Variants in VWA5A observed in about 807,000 individuals in gnomAD.
The protein encoded by VWA5A is von Willebrand factor A domain containing 5A.
In VWA5A, 77 loss-of-function variants were observed where a neutral mutation model predicts 84.6. That is an observed-to-expected ratio of 0.91 (90% CI 0.76 to 1.10). The LOEUF is 1.10. Ranked by LOEUF, VWA5A falls within the 50% of genes least tolerant of loss-of-function variation. VWA5A has a pLI of 0.00. For missense variants in VWA5A, 973 were observed against 963.0 expected (o/e 1.01, Z -0.14); for synonymous variants, 334 against 350.1 (o/e 0.95, Z 0.51).
intron 11 of VWA5A, among the ~76,000 whole-genome samples, chr11:124,128,778 T>G (rs1359366053): frequency 1.3e-5 from 2 of 152,224 alleles, no homozygotes; most frequent in Non-Finnish European, 2.9e-5. Context: ...TTTGGCTCTC[T>G]GTTTGTCTAT....
chr11:124,146,072 C>G lies in VWA5A; in HGVS notation c.*127C>G. Reference sequence around the variant, plus strand: ...TTTTTTGCCATAAAAGTAAAGGATGCTTACTCCACTTCGCTTCTCTGCTCC... The same window carrying G: ...TTTTTTGCCATAAAAGTAAAGGATGGTTACTCCACTTCGCTTCTCTGCTCC... On this transcript the variant is annotated 3_prime_UTR_variant, in exon 19 of 19. Coordinates refer to ENST00000456829, the MANE Select transcript of VWA5A (RefSeq NM_001130142.2). The G allele has an allele frequency of 1.1e-6, 1 of 927,222 alleles. No individual in the cohort carries two copies. The highest frequency in any genetic ancestry group is 1.6e-6 in the Non-Finnish European group (1 of 630,578). The allele number at this position is 927,222 out of a possible 1,614,324, so 57.4% of individuals were successfully genotyped here.
At chr11:124,145,529 G>C (rs1006995520) in intron 18 of VWA5A, among the ~76,000 whole-genome samples, 166 bp downstream of exon 18, 3 of 152,130 alleles carry the variant, frequency 2.0e-5, no homozygotes, top group Non-Finnish European at 4.4e-5. Flanking sequence ...TATTAAATTG[G>C]GGACAAGGTA....
chr11:124,135,460 G>A (rs1236413887), intron 12 of VWA5A, among the ~76,000 whole-genome samples: 1 of 151,242 alleles, frequency 6.6e-6, no homozygotes, highest in Non-Finnish European at 1.5e-5. Flanking sequence ...ATCGGAAGAG[G>A]TAGTAAATTG....
Position 124,117,661 on chromosome 11 carries a change from G to C in VWA5A, c.44-12G>C. The C allele has an allele frequency of 6.2e-7, 1 of 1,614,154 alleles. No individual in the cohort carries two copies. The highest frequency in any genetic ancestry group is 8.5e-7 in the Non-Finnish European group (1 of 1,180,032). ...TGAAGCTTGATGAACTTGAACTCTGGTCTATCTCCAGTGCCGCTGAAGAGT... is the reference window on the plus strand; with the variant it reads ...TGAAGCTTGATGAACTTGAACTCTGCTCTATCTCCAGTGCCGCTGAAGAGT... On this transcript the variant is annotated splice_polypyrimidine_tract_variant and intron_variant, in intron 3 of 18. Transcript: ENST00000456829.
At chr11:124,145,775 A>G in intron 18 of VWA5A, 91 bp from the exon 19 acceptor site, 1 of 1,329,484 alleles carries the variant, frequency 7.5e-7, no homozygotes, top group African/African-American at 1.5e-5. Flanking sequence ...AGGACAGATA[A>G]AAGCACAACT....
chr11:124,141,960 A>G (rs1214915956), intron 16 of VWA5A, among the ~76,000 whole-genome samples: 1 of 152,180 alleles, frequency 6.6e-6, no homozygotes, highest in Non-Finnish European at 1.5e-5. Flanking sequence ...TGCAATCTAT[A>G]GGGACTGACA....
intron 18 of VWA5A, among the ~76,000 whole-genome samples, chr11:124,145,573 G>T (rs1158301674): frequency 1.3e-5 from 2 of 152,142 alleles, no homozygotes; most frequent in African/African-American, 4.8e-5. Flanking sequence ...GGACACAAAT[G>T]GGGAGTGTGA....
In VWA5A at chr11:124,145,989, A is replaced by G. The variant is rs1254912547; in HGVS notation, c.*44A>G. ...GAAGTGCCTTTAATTTGCTACTGTC[A>G]TTTCCTCTAGTATCACTTTTGCTGT... On this transcript the variant is annotated 3_prime_UTR_variant, in exon 19 of 19. Coordinates refer to ENST00000456829, the MANE Select transcript of VWA5A (RefSeq NM_001130142.2). 10 of 1,540,750 alleles carry G rather than the reference A, an allele frequency of 6.5e-6. No homozygotes were observed.
At chr11:124,133,384 T>C (rs1865126371) in intron 11 of VWA5A, among the ~76,000 whole-genome samples, 1 of 152,238 alleles carries the variant, frequency 6.6e-6, no homozygotes, top group South Asian at 2.1e-4. Flanking sequence ...TCATCTGCTT[T>C]TGTACTTGGC....
chr11:124,125,504 C>T (rs1322551030), intron 11 of VWA5A, among the ~76,000 whole-genome samples: 2 of 152,074 alleles, frequency 1.3e-5, no homozygotes, highest in African/African-American at 4.8e-5. Flanking sequence ...AGGATGGTCT[C>T]GATCTCCTGA....
At position 124,123,357 on chromosome 11, in the gene VWA5A, T is replaced by C. The variant is rs201741233; in HGVS notation, c.931-9T>C. On this transcript the variant is annotated splice_polypyrimidine_tract_variant and intron_variant, in intron 8 of 18. Transcript: ENST00000456829. ...CTCACTCTGTCTCTTCATACTCTCT[T>C]ACCTTCAGGAAACACTGATTTTGCT... 1.6e-4 allele frequency: 263 copies of C among 1,612,374 alleles called. No homozygotes were observed. The highest frequency in any genetic ancestry group is 2.1e-4 in the Non-Finnish European group (244 of 1,179,348).
At chr11:124,117,388 C>A (rs1864848335) in intron 2 of VWA5A, 109 bp from the exon 3 acceptor site, 1 of 1,102,610 alleles carries the variant, frequency 9.1e-7, no homozygotes, top group Non-Finnish European at 1.4e-6. Flanking sequence ...CTAACTCCAA[C>A]ATTAACCCTT....
rs371875131 is a variant in VWA5A, at chr11:124,136,329, G to A, written c.1524+36G>A. On this transcript the variant is annotated intron_variant, in intron 13 of 18. Coordinates refer to ENST00000456829, the MANE Select transcript of VWA5A (RefSeq NM_001130142.2). The stretch of plus-strand genomic sequence containing the variant: ...ATTCTTATTTGTTCCTCTAGTCAAA[G>A]AGCTACCACATGACCATTCCACTAA... 8.9e-5 allele frequency: 143 copies of A among 1,599,288 alleles called. 1 individual carries two copies. In the African/African-American group the frequency reaches 1.5e-3, roughly 17 times the overall value.
intron 11 of VWA5A, among the ~76,000 whole-genome samples, chr11:124,131,312 C>A (rs1012836247): frequency 1.3e-5 from 2 of 152,046 alleles, no homozygotes; most frequent in African/African-American, 4.8e-5. Flanking sequence ...TGGGATTGAG[C>A]AGCATGGCAT....
Position 124,146,122 on chromosome 11 carries a change from C to T in VWA5A, c.*177C>T, listed in dbSNP as rs1309397837. The T allele has an allele frequency of 1.3e-5, 8 of 592,684 alleles. No homozygotes were observed. Among genetic ancestry groups the T allele is most frequent in the Non-Finnish European group, 2.3e-5 (8 of 353,454 alleles). 36.7% of individuals were successfully genotyped at this position (592,684 alleles called of 1,614,324 possible). ...CAGGTTCACTTTGGATATGATCTTT[C>T]TTTTCCCAACATATGCCCTCAGAAA... is the stretch of plus-strand genomic sequence containing the variant. On this transcript the variant is annotated 3_prime_UTR_variant, in exon 19 of 19. Transcript: ENST00000456829.
chr11:124,145,111 TAAAG>T (rs1860795051), intron 17 of VWA5A, 122 bp from the exon 18 acceptor site: 1 of 1,243,694 alleles, frequency 8.0e-7, no homozygotes, highest in Admixed American at 2.4e-5. Context: ...TATCTGGAGG[TAAAG>T]AGAGACCAGG....
chr11:124,116,940 C>A (rs1218863729), intron 2 of VWA5A, among the ~76,000 whole-genome samples: 1 of 152,170 alleles, frequency 6.6e-6, no homozygotes, highest in Non-Finnish European at 1.5e-5. Context: ...CAGCTTCTCA[C>A]ATGCAGCGCG....
chr11:124,136,405 A>G, intron 13 of VWA5A, 112 bp downstream of exon 13: 1 of 1,482,614 alleles, frequency 6.7e-7, no homozygotes, highest in Non-Finnish European at 9.1e-7. Context: ...TGCCAAGTAT[A>G]GCTAGCCTAC....
At chr11:124,127,244 C>T (rs924120715) in intron 11 of VWA5A, among the ~76,000 whole-genome samples, 1 of 151,942 alleles carries the variant, frequency 6.6e-6, no homozygotes, top group Admixed American at 6.6e-5. Context: ...TCAACTCCCA[C>T]ATATAAGTGA....
Sources: gnomAD v4.1 joint callset for allele counts (sites outside exome capture counted in the v4.1 genomes callset) on GRCh38, gnomAD v4.1.1 for gene constraint, MANE v1.5 for transcripts, NCBI Gene and HGNC (gene_info 2026-07-23, HGNC 2026-07-21) for gene names.